The following ANKRD30B variants were observed in gnomAD, a reference collection of about 807,000 sequenced individuals.
ANKRD30B encodes ankyrin repeat domain-containing protein 30B.
A neutral mutation model predicts 202.2 loss-of-function variants in ANKRD30B; 144 were observed. That is an observed-to-expected ratio of 0.71 (90% CI 0.62 to 0.82). ANKRD30B has a LOEUF of 0.82. Ranked by LOEUF, ANKRD30B falls within the 40% of genes least tolerant of loss-of-function variation. The pLI is 0.00. For missense variants in ANKRD30B, 1,487 were observed against 1,669.1 expected (o/e 0.89, Z 1.90); for synonymous variants, 508 against 561.3 (o/e 0.91, Z 1.34).
intron 26 of ANKRD30B, 66 bp downstream of exon 26, chr18:14,808,810 C>G (rs45604236): frequency 1.4e-5 from 19 of 1,344,702 alleles, no homozygotes; most frequent in Admixed American, 2.6e-5. Context: ...ATGCCAAGAG[C>G]CTTTTATTCC....
chr18:14,831,921 T>C (rs1289903693), intron 34 of ANKRD30B, among the ~76,000 whole-genome samples: 1 of 152,228 alleles, frequency 6.6e-6, no homozygotes, highest in Non-Finnish European at 1.5e-5. Flanking sequence ...AAGGAATCTG[T>C]CTGATAAACT....
At chr18:14,895,941 A>G in the ANKRD30B span, among the ~76,000 whole-genome samples, 1 of 152,228 alleles carries the variant, frequency 6.6e-6, no homozygotes, top group Non-Finnish European at 1.5e-5. Context: ...ATACTGTAAT[A>G]GTGGATACAC....
chr18:14,880,834 G>GT, the ANKRD30B span, among the ~76,000 whole-genome samples: 1 of 151,976 alleles, frequency 6.6e-6, no homozygotes, highest in African/African-American at 2.4e-5. Flanking sequence ...ATTTTTGTTT[G>GT]TTTTTTGCAG....
intron 24 of ANKRD30B, among the ~76,000 whole-genome samples, chr18:14,805,610 C>G (rs1969460658): frequency 6.6e-6 from 1 of 150,724 alleles, no homozygotes; most frequent in Admixed American, 6.6e-5. Context: ...CAGCTGAACT[C>G]TCATCCGAAC....
At chr18:14,884,696 A>T in the ANKRD30B span, among the ~76,000 whole-genome samples, 1 of 152,122 alleles carries the variant, frequency 6.6e-6, no homozygotes, top group African/African-American at 2.4e-5. Context: ...CCCAGATGAG[A>T]GTAAATATCT....
the ANKRD30B span, among the ~76,000 whole-genome samples, chr18:14,931,724 AG>A: frequency 1.3e-5 from 2 of 152,254 alleles, no homozygotes; most frequent in Non-Finnish European, 2.9e-5. Flanking sequence ...CCTTAGGCGA[AG>A]TACAGCCCCT....
At chr18:14,808,473 A>G (rs764282427) in intron 24 of ANKRD30B, 78 bp from the exon 25 acceptor site, 25 of 1,314,518 alleles carry the variant, frequency 1.9e-5, no homozygotes, top group Non-Finnish European at 2.7e-5. Flanking sequence ...ACTCATCTTC[A>G]TATTCACATT....
At chr18:14,786,191 G>A (rs1246637010) in intron 14 of ANKRD30B, among the ~76,000 whole-genome samples, 2 of 150,756 alleles carry the variant, frequency 1.3e-5, no homozygotes, top group Non-Finnish European at 2.9e-5. Context: ...GTTGTAATTT[G>A]TACTTTTTGC....
chr18:14,920,649 T>C, the ANKRD30B span, among the ~76,000 whole-genome samples: 5 of 152,310 alleles, frequency 3.3e-5, no homozygotes, highest in South Asian at 8.3e-4. Context: ...GTGTTTTGAC[T>C]TCCCAAGGTC....
At chr18:14,781,288 CTTTTTT>C in intron 11 of ANKRD30B, among the ~76,000 whole-genome samples, 1 of 85,670 alleles carries the variant, frequency 1.2e-5, no homozygotes, top group Non-Finnish European at 2.1e-5. Context: ...TCTGAGTATT[CTTTTTT>C]TTTTTTTTTT....
the ANKRD30B span, among the ~76,000 whole-genome samples, chr18:14,879,390 C>T: frequency 4.6e-5 from 7 of 152,096 alleles, no homozygotes; most frequent in Admixed American, 1.3e-4. Context: ...ACACCCCCAT[C>T]GCTCATATAA....
chr18:14,771,020 C>G (rs963097141), intron 8 of ANKRD30B, among the ~76,000 whole-genome samples: 1 of 152,158 alleles, frequency 6.6e-6, no homozygotes, highest in African/African-American at 2.4e-5. Flanking sequence ...ATGTCCTACC[C>G]ATGTACATAT....
At chr18:14,778,259 A>G (rs1311818890) in intron 10 of ANKRD30B, among the ~76,000 whole-genome samples, 184 bp downstream of exon 10, 2 of 152,208 alleles carry the variant, frequency 1.3e-5, no homozygotes, top group Non-Finnish European at 2.9e-5. Flanking sequence ...GTGCCAAAAA[A>G]GAGCTGAATT....
chr18:14,934,483 C>T, the ANKRD30B span, among the ~76,000 whole-genome samples: 1 of 152,192 alleles, frequency 6.6e-6, no homozygotes, highest in Non-Finnish European at 1.5e-5. Context: ...TGAGGCTGCA[C>T]TCATTAGTAA....
chr18:14,778,395 T>C (rs1482095128), intron 10 of ANKRD30B, among the ~76,000 whole-genome samples: 1 of 152,170 alleles, frequency 6.6e-6, no homozygotes, highest in Non-Finnish European at 1.5e-5. Flanking sequence ...TAATAGAGGA[T>C]GGTAAAATAA....
the ANKRD30B span, among the ~76,000 whole-genome samples, chr18:14,861,532 CATT>C: frequency 6.6e-6 from 1 of 150,508 alleles, no homozygotes; most frequent in African/African-American, 2.5e-5. Flanking sequence ...CAAAGAATGA[CATT>C]ATATAATGAT....
At chr18:14,940,668 C>T in the ANKRD30B span, among the ~76,000 whole-genome samples, 1 of 152,172 alleles carries the variant, frequency 6.6e-6, no homozygotes. Flanking sequence ...GTCCCTCTTT[C>T]TAGAGAGAAA....
the ANKRD30B span, among the ~76,000 whole-genome samples, chr18:14,901,205 T>C: frequency 6.6e-6 from 1 of 152,228 alleles, no homozygotes; most frequent in African/African-American, 2.4e-5. Flanking sequence ...CTTTTGTCAT[T>C]CATAGACAAT....
chr18:14,934,908 CCA>C, the ANKRD30B span, among the ~76,000 whole-genome samples: 49,779 of 134,422 alleles, frequency 0.37, 9,131 homozygotes, highest in East Asian at 0.53. Flanking sequence ...CCTCCCTCTA[CCA>C]CACACACACA....
Sources: gnomAD v4.1 joint callset for allele counts (sites outside exome capture counted in the v4.1 genomes callset) on GRCh38, gnomAD v4.1.1 for gene constraint, MANE v1.5 for transcripts, NCBI Gene and HGNC (gene_info 2026-07-23, HGNC 2026-07-21) for gene names.